The following PACSIN2 variants were observed in gnomAD, a reference collection of about 807,000 sequenced individuals.
The protein encoded by PACSIN2 is protein kinase C and casein kinase substrate in neurons 2, also known as protein kinase C and casein kinase substrate in neurons protein 2.
In PACSIN2, 25 loss-of-function variants were observed where a neutral mutation model predicts 63.8. The ratio of observed to expected loss-of-function variants is 0.39; its 90% CI spans 0.29 to 0.55. PACSIN2 has a LOEUF of 0.55. Ranked by LOEUF, PACSIN2 falls within the 20% of genes least tolerant of loss-of-function variation. The probability of loss-of-function intolerance (pLI) is 0.62; values close to 1 mark genes in which losing one functional copy is unlikely to be tolerated. For missense variants in PACSIN2, 518 were observed against 646.9 expected (o/e 0.80, Z 2.16); for synonymous variants, 255 against 256.2 (o/e 1.00, Z 0.05).
intron 2 of PACSIN2, among the ~76,000 whole-genome samples, chr22:42,907,437 T>C (rs1025985456): frequency 1.8e-4 from 28 of 152,356 alleles, no homozygotes; most frequent in Non-Finnish European, 3.1e-4. Flanking sequence ...TTAGAAACTT[T>C]AGTGAAACTA....
intron 1 of PACSIN2, among the ~76,000 whole-genome samples, chr22:42,969,893 A>G (rs990571952): frequency 6.7e-6 from 1 of 148,180 alleles, no homozygotes; most frequent in Non-Finnish European, 1.5e-5. Flanking sequence ...ACAGGGTGAG[A>G]TGCTGGCCCT....
intron 1 of PACSIN2, among the ~76,000 whole-genome samples, chr22:42,996,215 G>A (rs1271796452): frequency 3.1e-5 from 4 of 128,880 alleles, no homozygotes; most frequent in African/African-American, 7.8e-5. Flanking sequence ...GCGAGACTCC[G>A]TCTCAAAAAA....
At chr22:42,962,094 AGCC>A (rs1934155801) in intron 1 of PACSIN2, among the ~76,000 whole-genome samples, 1 of 152,154 alleles carries the variant, frequency 6.6e-6, no homozygotes, top group Admixed American at 6.5e-5. Context: ...GTTTGAGACC[AGCC>A]TGGCCAACAT....
chr22:42,894,444 T>C (rs1278439853), intron 2 of PACSIN2, among the ~76,000 whole-genome samples: 2 of 152,198 alleles, frequency 1.3e-5, no homozygotes, highest in Non-Finnish European at 2.9e-5. Context: ...GGTTTCACCA[T>C]GTTGGCCAGG....
rs552448070 is a variant in PACSIN2 at position 42,992,885 on chromosome 22, C to A, written c.-78+22136G>T. On this transcript the variant is annotated intron_variant, in intron 1 of 10. Coordinates refer to ENST00000263246, the MANE Select transcript of PACSIN2 (RefSeq NM_001184970.3). ...TACTGTAAAAAGAATATATACTGGC[C>A]GGAAGTGGTGGCTCACACCTGTAAT... 9.2e-5 allele frequency among the ~76,000 whole-genome samples: 14 copies of A among 152,208 alleles called. No individual in the cohort carries two copies. In the East Asian group the frequency reaches 2.7e-3, roughly 29 times the overall value.
chr22:42,971,284 G>A (rs558834328), intron 1 of PACSIN2, among the ~76,000 whole-genome samples: 5 of 152,236 alleles, frequency 3.3e-5, no homozygotes, highest in African/African-American at 1.2e-4. Flanking sequence ...ACGGGGTTTC[G>A]CCGTGTTGGC....
chr22:42,905,623 C>T (rs978637207), intron 2 of PACSIN2, among the ~76,000 whole-genome samples: 1 of 152,232 alleles, frequency 6.6e-6, no homozygotes, highest in African/African-American at 2.4e-5. Flanking sequence ...TTTGATTTTT[C>T]CCAGTATCGG....
At chr22:42,972,489 C>G (rs1254743602) in intron 1 of PACSIN2, among the ~76,000 whole-genome samples, 1 of 152,034 alleles carries the variant, frequency 6.6e-6, no homozygotes, top group East Asian at 1.9e-4. Flanking sequence ...GAGAAACACC[C>G]AAGAATCATC....
At chr22:42,994,085 C>T (rs563510169) in intron 1 of PACSIN2, among the ~76,000 whole-genome samples, 562 of 152,282 alleles carry the variant, frequency 3.7e-3, no homozygotes, top group Non-Finnish European at 5.8e-3. Context: ...TCAAGAAGAC[C>T]ACGATGTAGA....
chr22:43,006,868 C>T (rs1180605655), intron 1 of PACSIN2, among the ~76,000 whole-genome samples: 1 of 152,106 alleles, frequency 6.6e-6, no homozygotes, highest in Non-Finnish European at 1.5e-5. Flanking sequence ...GCATTCTCAA[C>T]CAAACACGTA....
intron 1 of PACSIN2, among the ~76,000 whole-genome samples, chr22:42,935,016 C>G (rs973943275): frequency 6.6e-6 from 1 of 151,876 alleles, no homozygotes; most frequent in African/African-American, 2.4e-5. Flanking sequence ...CCCAGGTTCA[C>G]GCCATTCTCC....
intron 1 of PACSIN2, among the ~76,000 whole-genome samples, chr22:42,981,134 C>A (rs1449791274): frequency 7.1e-6 from 1 of 141,416 alleles, no homozygotes; most frequent in African/African-American, 2.7e-5. Context: ...CTCTGCCCCA[C>A]CGCCCTGTCT....
chr22:42,981,293 A>C (rs1601600402), intron 1 of PACSIN2, among the ~76,000 whole-genome samples: 2 of 118,308 alleles, frequency 1.7e-5, no homozygotes, highest in Admixed American at 8.1e-5. Flanking sequence ...TCCGGCAACC[A>C]CCCCGTCTGG....
chr22:43,003,900 C>T (rs957689961), intron 1 of PACSIN2, among the ~76,000 whole-genome samples: 16 of 152,108 alleles, frequency 1.1e-4, no homozygotes, highest in Admixed American at 3.3e-4. Context: ...CGGCCTTGAC[C>T]GCACCCCAGC....
intron 9 of PACSIN2, among the ~76,000 whole-genome samples, chr22:42,876,577 C>T (rs1217804393): frequency 6.6e-6 from 1 of 152,262 alleles, no homozygotes; most frequent in Non-Finnish European, 1.5e-5. Context: ...TGGGGCCTCA[C>T]TCTCTAGTCC....
chr22:42,959,765 T>C (rs997776483), intron 1 of PACSIN2: 1 of 152,172 alleles, frequency 6.6e-6, no homozygotes, highest in Admixed American at 6.5e-5. Context: ...AGGTCTACCT[T>C]AAAGGAAATG....
chr22:42,989,242 T>C (rs997687776), intron 1 of PACSIN2, among the ~76,000 whole-genome samples: 8 of 152,122 alleles, frequency 5.3e-5, no homozygotes, highest in Non-Finnish European at 1.0e-4. Context: ...TCACGCCTAT[T>C]AACCCAGCAC....
intron 1 of PACSIN2, among the ~76,000 whole-genome samples, chr22:42,945,401 A>G (rs1412263934): frequency 6.6e-6 from 1 of 151,830 alleles, no homozygotes; most frequent in African/African-American, 2.4e-5. Context: ...CTGTGCCCAC[A>G]CACCAAACCA....
chr22:42,889,984 A>C (rs1446802012), intron 4 of PACSIN2, among the ~76,000 whole-genome samples: 1 of 151,198 alleles, frequency 6.6e-6, no homozygotes, highest in African/African-American at 2.4e-5. Flanking sequence ...GCTACTGCAC[A>C]CGCAGAGCAG....
Sources: gnomAD v4.1 joint callset for allele counts (sites outside exome capture counted in the v4.1 genomes callset) on GRCh38, gnomAD v4.1.1 for gene constraint, MANE v1.5 for transcripts, NCBI Gene and HGNC (gene_info 2026-07-23, HGNC 2026-07-21) for gene names.